Variants in SMAP2 observed in about 807,000 individuals in gnomAD.
SMAP2 encodes stromal membrane-associated protein 2.
In SMAP2, 25 loss-of-function variants were observed where a neutral mutation model predicts 56.4. The ratio of observed to expected loss-of-function variants is 0.44; its 90% CI spans 0.32 to 0.62. The LOEUF is 0.62. SMAP2 is among the 20% of genes least tolerant of loss of function. The pLI is 0.04. For synonymous variants in SMAP2, 157 were observed against 181.7 expected, an observed-to-expected ratio of 0.86 and a Z score of 1.09; for missense variants, 388 against 545.6, an observed-to-expected ratio of 0.71 and a Z score of 2.88.
chr1:40,408,184 C>A lies in SMAP2; in HGVS notation c.238-469C>A, dbSNP rs753221992. ...GGAAATTATATGCCATGGAGATAGT[C>A]GGGAATTTGGAGATTTAAAAAGCTC... is the stretch of plus-strand genomic sequence containing the variant. On this transcript the variant is annotated intron_variant, in intron 2 of 9. Coordinates refer to ENST00000372718, the MANE Select transcript of SMAP2 (RefSeq NM_022733.3). This position sits in a 1 kb window ranked among gnomAD's most constrained non-coding sequence, Gnocchi z 4.3. 3.3e-5 allele frequency among the ~76,000 whole-genome samples: 5 copies of A among 152,096 alleles called. No homozygotes were observed. Among genetic ancestry groups the A allele is most frequent in the Non-Finnish European group, 5.9e-5 (4 of 68,016 alleles).
At chr1:40,399,701 CA>C (rs35452622) in intron 1 of SMAP2, among the ~76,000 whole-genome samples, 72,737 of 116,064 alleles carry the variant, frequency 0.63, 19,426 homozygotes, top group African/African-American at 0.68. Flanking sequence ...GACCCTGTCT[CA>C]AAAAAAAAAA....
chr1:40,397,665 A>G (rs1464510836), intron 1 of SMAP2, among the ~76,000 whole-genome samples: 1 of 152,164 alleles, frequency 6.6e-6, no homozygotes, highest in Non-Finnish European at 1.5e-5. Flanking sequence ...GTGATAAATG[A>G]TGAAGGAACA....
chr1:40,393,478 G>A, intron 1 of SMAP2: 1 of 1,535,118 alleles, frequency 6.5e-7, no homozygotes, highest in East Asian at 2.4e-5. Flanking sequence ...GAGGAAATAG[G>A]CCCTGTAAAG....
At chr1:40,345,018 G>A (rs1041104458) in intron 1 of SMAP2, 3 of 150,092 alleles carry the variant, frequency 2.0e-5, no homozygotes, top group African/African-American at 7.4e-5. Flanking sequence ...GTGTAGTTGT[G>A]AGAGGAGTTT....
At position 40,422,359 on chromosome 1, in the gene SMAP2, T is replaced by G. The variant is rs1557477371; in HGVS notation, c.*258T>G. ...CCTGGCACCAGCACCTTAGAAGTTG[T>G]TGGCAGAAGGCACTTAAACTGTGGG... is the stretch of plus-strand genomic sequence containing the variant. On this transcript the variant is annotated 3_prime_UTR_variant, in exon 10 of 10. Transcript: ENST00000372718. 3 of 436,836 alleles carry G rather than the reference T, an allele frequency of 6.9e-6. No individual in the cohort carries two copies. The East Asian group carries it at 1.3e-4, about 20-fold the overall frequency. The allele number at this position is 436,836 out of a possible 1,614,324, so 27.1% of individuals were successfully genotyped here. A position where few individuals can be genotyped will look rare whatever the true frequency, so the allele number is the denominator to read the frequency against.
intron 1 of SMAP2, among the ~76,000 whole-genome samples, chr1:40,388,938 C>T (rs1644689251): frequency 6.6e-6 from 1 of 151,882 alleles, no homozygotes; most frequent in South Asian, 2.1e-4. Flanking sequence ...GACGCGCTGC[C>T]TTAAGAGCTT....
In SMAP2 at chr1:40,421,989, T is replaced by C; in HGVS notation, c.1178T>C (p.Met393Thr). The change falls in exon 10 of 10, where the codon ATG becomes ACG. Residue 393 changes from methionine to threonine, a missense_variant. Transcript: ENST00000372718. ...TCTCCCTTTCAGATGACCCAGCAGA[T>C]GGCTGGGATGAACTTCTATGGAGCC... ...QWNLTQMTQQ[M>T]AGMNFYGANG... The C allele has an allele frequency of 6.2e-7, 1 of 1,614,174 alleles. No homozygotes were observed. Among genetic ancestry groups the C allele is most frequent in the Non-Finnish European group, 8.5e-7 (1 of 1,180,012 alleles).
At chr1:40,373,173 GCAGGAGTCACAGAGGAGAGCT>G (rs1273015610), upstream of SMAP2, among the ~76,000 whole-genome samples, 2 of 152,148 alleles carry the variant, frequency 1.3e-5, no homozygotes, top group Non-Finnish European at 2.9e-5. Flanking sequence ...ATCCAAAAAG[GCAGGAGTCACAGAGGAGAGCT>G]AATGAGTATT....
intron 1 of SMAP2, among the ~76,000 whole-genome samples, chr1:40,378,730 T>G (rs3013458): frequency 0.1 from 15,284 of 152,268 alleles, 840 homozygotes; most frequent in Middle Eastern, 0.12. Context: ...TGCTTTTCCC[T>G]TCTTCTGCTA....
At chr1:40,357,356 G>A (rs1644440733) in intron 1 of SMAP2, among the ~76,000 whole-genome samples, 1 of 152,116 alleles carries the variant, frequency 6.6e-6, no homozygotes, top group Non-Finnish European at 1.5e-5. Flanking sequence ...TCAGGAGGCT[G>A]AGGCAGGAGA....
intron 1 of SMAP2, chr1:40,396,931 C>T: frequency 1.2e-5 from 10 of 834,132 alleles, no homozygotes; most frequent in Non-Finnish European, 1.3e-5. Context: ...AATACTGCTG[C>T]TTTTTTTACT....
chr1:40,363,346 A>G (rs1193233617), intron 2 of SMAP2, among the ~76,000 whole-genome samples: 1 of 152,196 alleles, frequency 6.6e-6, no homozygotes, highest in Non-Finnish European at 1.5e-5. Flanking sequence ...CATAAATTGT[A>G]GAAGAAACAA....
chr1:40,361,638 A>G (rs1057198898), intron 1 of SMAP2, among the ~76,000 whole-genome samples: 1 of 152,076 alleles, frequency 6.6e-6, no homozygotes, highest in African/African-American at 2.4e-5. Flanking sequence ...AGCATTCACC[A>G]CAAGCTGACC....
At chr1:40,362,951 C>T (rs1164388242) in intron 2 of SMAP2, among the ~76,000 whole-genome samples, 2 of 152,106 alleles carry the variant, frequency 1.3e-5, no homozygotes, top group South Asian at 4.1e-4. Context: ...AAATTTATAG[C>T]TTAGCTGATG....
chr1:40,394,620 C>T lies in SMAP2; in HGVS notation c.104-12116C>T, dbSNP rs143749558. 3.9e-5 allele frequency among the ~76,000 whole-genome samples: 6 copies of T among 152,186 alleles called. No homozygotes were observed. In the East Asian group the frequency reaches 1.2e-3, roughly 29 times the overall value. On this transcript the variant is annotated intron_variant, in intron 1 of 9. Coordinates refer to ENST00000372718, the MANE Select transcript of SMAP2 (RefSeq NM_022733.3). ...CTCTTTACTATAAAAACAATCATAG[C>T]AGCACATACCAGAATCTCCTAGGGA...
At chr1:40,393,541 C>T in intron 1 of SMAP2, 40 of 811,026 alleles carry the variant, frequency 4.9e-5, no homozygotes, top group Admixed American at 1.8e-4. Context: ...GTTCTTCTAA[C>T]TTTTTTTTTT....
At chr1:40,348,457 G>A (rs1479623327) in intron 1 of SMAP2, among the ~76,000 whole-genome samples, 1 of 152,114 alleles carries the variant, frequency 6.6e-6, no homozygotes, top group Non-Finnish European at 1.5e-5. Flanking sequence ...CACTTTGGGA[G>A]GCCGAGGTGG....
chr1:40,372,850 A>G (rs1644505990), upstream of SMAP2, among the ~76,000 whole-genome samples: 1 of 152,242 alleles, frequency 6.6e-6, no homozygotes, highest in East Asian at 1.9e-4. Context: ...CCTGATACTT[A>G]GAAATTTCTC....
intron 1 of SMAP2, among the ~76,000 whole-genome samples, chr1:40,355,072 G>A (rs1032484106): frequency 2.4e-4 from 36 of 151,962 alleles, no homozygotes; most frequent in African/African-American, 8.5e-4. Context: ...CCCTCCCAAA[G>A]TGAGGCCTGA....
Sources: allele counts gnomAD v4.1 joint callset (sites outside exome capture counted in the v4.1 genomes callset), GRCh38; gene constraint gnomAD v4.1.1; non-coding constraint Gnocchi (gnomAD v3.1); transcripts MANE v1.5; gene names NCBI Gene and HGNC (gene_info 2026-07-23, HGNC 2026-07-21).